FRAS1: variants seen among roughly 807,000 people sequenced by gnomAD.
The protein encoded by FRAS1 is Fraser extracellular matrix complex subunit 1.
Under a neutral mutation model 435.2 loss-of-function variants are expected in FRAS1, and 290 were observed. The ratio of observed to expected loss-of-function variants is 0.67; its 90% CI spans 0.61 to 0.73. The LOEUF (loss-of-function observed/expected upper bound fraction) is 0.73, where lower values mean the gene tolerates loss of function less well. Ranked by LOEUF, FRAS1 falls within the 30% of genes least tolerant of loss-of-function variation. The pLI is 0.00. For missense variants in FRAS1, 4,860 were observed against 5,001.5 expected (o/e 0.97, Z 0.85); for synonymous variants, 1,800 against 1,851.0 (o/e 0.97, Z 0.71).
At chr4:78,490,212 C>G (rs1720307744) in intron 59 of FRAS1, among the ~76,000 whole-genome samples, 1 of 147,210 alleles carries the variant, frequency 6.8e-6, no homozygotes, top group African/African-American at 2.4e-5. Context: ...TAGTGGGAGA[C>G]TTTAACACCC....
intron 51 of FRAS1, 44 bp downstream of exon 51, chr4:78,470,135 C>T (rs1334067516): frequency 1.6e-6 from 2 of 1,239,450 alleles, no homozygotes; most frequent in Non-Finnish European, 2.3e-6. Flanking sequence ...CCAACTTGGG[C>T]TACATCCTTC....
intron 9 of FRAS1, among the ~76,000 whole-genome samples, chr4:78,273,674 A>G (rs1726836036): frequency 6.6e-6 from 1 of 152,310 alleles, no homozygotes; most frequent in Non-Finnish European, 1.5e-5. Flanking sequence ...CCACTTGATC[A>G]TGGTGGATAA....
At chr4:78,167,862 ATTTGATACCTT>A (rs1339295514) in intron 2 of FRAS1, among the ~76,000 whole-genome samples, 1 of 152,084 alleles carries the variant, frequency 6.6e-6, no homozygotes, top group African/African-American at 2.4e-5. Context: ...CTGGGTGGAC[ATTTGATACCTT>A]TAAACTAAGT....
rs1037794848 is a variant in FRAS1 at position 78,296,238 on chromosome 4, A to AT, written c.1534+9707dup. Among the ~76,000 whole-genome samples, 7 of 151,034 alleles carry AT rather than the reference A, an allele frequency of 4.6e-5. No individual in the cohort carries two copies. The East Asian group carries it at 9.7e-4, about 21-fold the overall frequency. ...TCTCCAGCTTTTGATGATGCTGAAG[A>AT]TTTTTTTTACGTGTTTGTACTTTTT... On this transcript the variant is annotated intron_variant, in intron 14 of 73. Coordinates refer to ENST00000512123, the MANE Select transcript of FRAS1 (RefSeq NM_025074.7).
chr4:78,126,340 T>G (rs1489864418), intron 2 of FRAS1, among the ~76,000 whole-genome samples: 3 of 152,206 alleles, frequency 2.0e-5, no homozygotes, highest in Admixed American at 6.5e-5. Flanking sequence ...GGAAATCCCC[T>G]GACCCCTTGC....
At chr4:78,257,804 A>G (rs1725859522) in intron 6 of FRAS1, among the ~76,000 whole-genome samples, 1 of 152,212 alleles carries the variant, frequency 6.6e-6, no homozygotes, top group South Asian at 2.1e-4. Flanking sequence ...CCTTGTGTTC[A>G]TATAAGGGGT....
intron 69 of FRAS1, 60 bp from the exon 70 acceptor site, chr4:78,526,481 G>A: frequency 9.0e-7 from 1 of 1,116,898 alleles, no homozygotes. Context: ...TGTCTTTCTG[G>A]GTAAGCCAGC....
At chr4:78,195,573 G>C (rs568212511) in intron 2 of FRAS1, among the ~76,000 whole-genome samples, 2 of 151,602 alleles carry the variant, frequency 1.3e-5, no homozygotes, top group Non-Finnish European at 2.9e-5. Context: ...CTTCGAGCCA[G>C]GCGTGGGATA....
At chr4:78,093,276 G>A (rs1328837594) in intron 2 of FRAS1, among the ~76,000 whole-genome samples, 1 of 152,212 alleles carries the variant, frequency 6.6e-6, no homozygotes, top group Non-Finnish European at 1.5e-5. Flanking sequence ...AACTGGTAGA[G>A]CCAAAACTGT....
intron 14 of FRAS1, among the ~76,000 whole-genome samples, chr4:78,296,930 A>T (rs1182246090): frequency 6.6e-6 from 1 of 152,202 alleles, no homozygotes; most frequent in East Asian, 1.9e-4. Context: ...GGTACAACAA[A>T]TATTATTATT....
At chr4:78,330,039 A>T (rs999106813) in intron 18 of FRAS1, among the ~76,000 whole-genome samples, 3 of 152,204 alleles carry the variant, frequency 2.0e-5, no homozygotes, top group African/African-American at 7.2e-5. Context: ...ACATTTATAT[A>T]AAAAGAAGGG....
chr4:78,506,034 C>G (rs954791161), intron 61 of FRAS1, among the ~76,000 whole-genome samples: 2 of 152,144 alleles, frequency 1.3e-5, no homozygotes, highest in African/African-American at 4.8e-5. Flanking sequence ...CACTCCAGAC[C>G]CTGTTTGCCT....
chr4:78,215,311 T>A (rs1330709520), intron 2 of FRAS1, among the ~76,000 whole-genome samples: 1 of 152,120 alleles, frequency 6.6e-6, no homozygotes, highest in Non-Finnish European at 1.5e-5. Context: ...TTCTTCTGCC[T>A]CAGCCTCCCA....
intron 2 of FRAS1, among the ~76,000 whole-genome samples, chr4:78,069,961 T>C (rs1296862016): frequency 6.6e-6 from 1 of 152,086 alleles, no homozygotes; most frequent in Non-Finnish European, 1.5e-5. Context: ...GTCCACTTGT[T>C]GTCTCTGAAC....
intron 2 of FRAS1, among the ~76,000 whole-genome samples, chr4:78,121,734 A>G (rs1719035072): frequency 6.6e-6 from 1 of 152,318 alleles, no homozygotes; most frequent in East Asian, 1.9e-4. Context: ...ACAGTAGAAC[A>G]GCTATGTTGT....
chr4:78,523,728 T>C (rs1173529773), intron 69 of FRAS1, among the ~76,000 whole-genome samples: 1 of 152,202 alleles, frequency 6.6e-6, no homozygotes, highest in East Asian at 1.9e-4. Flanking sequence ...TCTAATAACC[T>C]TCAAGGACTG....
intron 2 of FRAS1, among the ~76,000 whole-genome samples, chr4:78,084,068 G>A (rs1578112259): frequency 1.3e-5 from 2 of 151,978 alleles, no homozygotes; most frequent in African/African-American, 4.8e-5. Flanking sequence ...CACCAAAAGG[G>A]ATCAGTGAGG....
chr4:78,116,688 T>G (rs1022043857), intron 2 of FRAS1, among the ~76,000 whole-genome samples: 1 of 152,212 alleles, frequency 6.6e-6, no homozygotes, highest in Non-Finnish European at 1.5e-5. Context: ...GCTTGGTAGA[T>G]CTTCCTCCAT....
chr4:78,495,585 C>A (rs1720488646), intron 59 of FRAS1, among the ~76,000 whole-genome samples: 2 of 152,080 alleles, frequency 1.3e-5, no homozygotes, highest in Admixed American at 1.3e-4. Context: ...ACTACAGATA[C>A]CATCTTCAGC....
Sources: gnomAD v4.1 joint callset for allele counts (sites outside exome capture counted in the v4.1 genomes callset) on GRCh38, gnomAD v4.1.1 for gene constraint, MANE v1.5 for transcripts, NCBI Gene and HGNC (gene_info 2026-07-23, HGNC 2026-07-21) for gene names.